PTP4A3: variants seen among roughly 807,000 people sequenced by gnomAD.
PTP4A3 encodes protein tyrosine phosphatase type IVA 3.
PTP4A3 carries 9 observed loss-of-function variants against 15.2 expected under a neutral mutation model. The observed-to-expected ratio is 0.59, with a 90% CI of 0.36 to 1.03. The LOEUF is 1.03. PTP4A3 is among the 50% of genes least tolerant of loss of function. The probability of loss-of-function intolerance (pLI) is 0.02; values close to 1 mark genes in which losing one functional copy is unlikely to be tolerated. For missense variants in PTP4A3, 234 were observed against 252.1 expected (o/e 0.93, Z 0.49); for synonymous variants, 95 against 102.0 (o/e 0.93, Z 0.41).
rs1188814769 is a variant in PTP4A3, at chr8:141,431,032, C to T, written c.510C>T (p.Cys170=). The T allele has an allele frequency of 1.9e-6, 3 of 1,613,180 alleles. No homozygotes were observed. In the Admixed American group the frequency reaches 5.0e-5, roughly 27 times the overall value. The part of the protein sequence containing the change: ...FKDPHTHKTR[C]CVM ...ACCCACACACGCACAAGACCCGGTG[C>T]TGCGTTATGTAGCTCAGGACCTTGG... Residue 170 remains cysteine, a synonymous_variant, in exon 6 of 6, where the codon TGC becomes TGT. Transcript: ENST00000521578.
Position 141,431,264 on chromosome 8 carries a change from A to G in PTP4A3, c.*220A>G, listed in dbSNP as rs573624742. 2.5e-5 allele frequency: 14 copies of G among 559,240 alleles called. No homozygotes were observed. In the African/African-American group the frequency reaches 2.7e-4, roughly 11 times the overall value. The allele number at this position is 559,240 out of a possible 1,614,324, so 34.6% of individuals were successfully genotyped here. ...CTGGGCCCTTTCTCCTGTCTCCGCC[A>G]CTCCCTCTGGCGGCGCTGGCCGTGG... On this transcript the variant is annotated 3_prime_UTR_variant, in exon 6 of 6. Coordinates refer to ENST00000521578, the MANE Select transcript of PTP4A3 (RefSeq NM_032611.3).
chr8:141,431,278 C>T lies in PTP4A3; in HGVS notation c.*234C>T, dbSNP rs112513034. The T allele has an allele frequency of 2.7e-5, 15 of 563,616 alleles. No individual in the cohort carries two copies. The highest frequency in any genetic ancestry group is 8.9e-5 in the East Asian group (3 of 33,564). 34.9% of individuals were successfully genotyped at this position (563,616 alleles called of 1,614,324 possible). ...CTGTCTCCGCCACTCCCTCTGGCGG[C>T]GCTGGCCGTGGCTCTGTCTCTCTGA... On this transcript the variant is annotated 3_prime_UTR_variant, in exon 6 of 6. Coordinates refer to ENST00000521578, the MANE Select transcript of PTP4A3 (RefSeq NM_032611.3).
chr8:141,396,323 G>A (rs1248035099), intron 1 of PTP4A3, among the ~76,000 whole-genome samples: 26 of 152,208 alleles, frequency 1.7e-4, no homozygotes, highest in Admixed American at 1.7e-3. Context: ...GAAGTGACGT[G>A]CCAGGGTCAC....
Position 141,424,360 on chromosome 8 carries a change from C to T in PTP4A3, c.106-688C>T, listed in dbSNP as rs549744173. Among the ~76,000 whole-genome samples the T allele has an allele frequency of 3.3e-5, 5 of 152,166 alleles. No individual in the cohort carries two copies. The South Asian group carries it at 1.0e-3, about 31-fold the overall frequency. ...GAACTACCACCACCTTTTCCCTGGT[C>T]GTGTGGGGCTTCCCTGCTGGCGTAC... On this transcript the variant is annotated intron_variant, in intron 2 of 5. Coordinates refer to ENST00000521578, the MANE Select transcript of PTP4A3 (RefSeq NM_032611.3).
chr8:141,413,449 T>G (rs142684290), intron 1 of PTP4A3, among the ~76,000 whole-genome samples: 1 of 152,334 alleles, frequency 6.6e-6, no homozygotes, highest in East Asian at 1.9e-4. Context: ...AGGGCAGGCT[T>G]CATGTGGGCT....
At chr8:141,405,229 C>T (rs1832693502) in intron 1 of PTP4A3, among the ~76,000 whole-genome samples, 1 of 152,208 alleles carries the variant, frequency 6.6e-6, no homozygotes, top group South Asian at 2.1e-4. Flanking sequence ...GTCCCTTGGG[C>T]CTTGCATGCC....
At chr8:141,423,803 T>C (rs1833441525) in intron 2 of PTP4A3, among the ~76,000 whole-genome samples, 1 of 151,876 alleles carries the variant, frequency 6.6e-6, no homozygotes, top group South Asian at 2.1e-4. Flanking sequence ...TAGGGAGGGC[T>C]CATCCTGTGA....
intron 1 of PTP4A3, among the ~76,000 whole-genome samples, chr8:141,410,798 C>G (rs1269574023): frequency 2.0e-5 from 3 of 152,182 alleles, no homozygotes; most frequent in Admixed American, 6.5e-5. Context: ...GTCACACAGC[C>G]CTGTGTGAGG....
At chr8:141,399,909 T>C (rs955882018) in intron 1 of PTP4A3, among the ~76,000 whole-genome samples, 4 of 152,228 alleles carry the variant, frequency 2.6e-5, no homozygotes, top group South Asian at 2.1e-4. Flanking sequence ...CATGTAGTTA[T>C]TGTTTTCTCT....
chr8:141,403,490 C>T (rs894086211), intron 1 of PTP4A3, among the ~76,000 whole-genome samples: 8 of 152,146 alleles, frequency 5.3e-5, no homozygotes, highest in African/African-American at 1.2e-4. Context: ...TTGGAAGCTG[C>T]GGCTTTAAGC....
In PTP4A3 at chr8:141,427,814, T is replaced by C. The variant is rs1379717375; in HGVS notation, c.394T>C (p.Phe132Leu). 1.3e-6 allele frequency: 2 copies of C among 1,550,432 alleles called. No individual in the cohort carries two copies. Among genetic ancestry groups the C allele is most frequent in the South Asian group, 1.2e-5 (1 of 84,114 alleles). ...GATGAAGTACGAGGACGCCATCCAG[T>C]TCATCCGCCAGTGAGTGGCCGCGGT... is the stretch of plus-strand genomic sequence containing the variant. ...SGMKYEDAIQ[F>L]IRQKRRGAIN... Residue 132 changes from phenylalanine to leucine, a missense_variant, in exon 5 of 6, where the codon TTC becomes CTC. Phe to Leu is a conservative substitution (Grantham distance 22, BLOSUM62 0). Transcript: ENST00000521578.
intron 1 of PTP4A3, among the ~76,000 whole-genome samples, chr8:141,412,870 G>T (rs183935934): frequency 2.2e-3 from 331 of 152,346 alleles, no homozygotes; most frequent in South Asian, 9.5e-3. Context: ...AGCATGCACG[G>T]GACGGTTTTG....
intron 1 of PTP4A3, among the ~76,000 whole-genome samples, chr8:141,417,664 C>A (rs1211419783): frequency 6.6e-6 from 1 of 152,050 alleles, no homozygotes; most frequent in East Asian, 1.9e-4. Context: ...GCCGGGCCGG[C>A]CGGCGGGAGG....
chr8:141,422,875 C>T (rs533781298), intron 2 of PTP4A3, among the ~76,000 whole-genome samples: 3 of 152,202 alleles, frequency 2.0e-5, no homozygotes, highest in East Asian at 1.9e-4. Context: ...AGATACCTGC[C>T]GCTGGCAACC....
chr8:141,422,385 T>C (rs1833375987), intron 2 of PTP4A3, 40 bp downstream of exon 2: 2 of 1,610,020 alleles, frequency 1.2e-6, no homozygotes, highest in African/African-American at 1.3e-5. Flanking sequence ...GTGGCCCAGG[T>C]GTCTGGGAAG....
chr8:141,407,520 G>T (rs1586543131), intron 1 of PTP4A3, among the ~76,000 whole-genome samples: 1 of 151,972 alleles, frequency 6.6e-6, no homozygotes, highest in Non-Finnish European at 1.5e-5. Flanking sequence ...CAGCAGCGCG[G>T]CCCAGGACGG....
At chr8:141,409,165 C>G (rs1476251936) in intron 1 of PTP4A3, among the ~76,000 whole-genome samples, 1 of 152,186 alleles carries the variant, frequency 6.6e-6, no homozygotes, top group African/African-American at 2.4e-5. Flanking sequence ...CTGCCTTTCC[C>G]GAGTCCTCCC....
At chr8:141,426,689 G>A in intron 3 of PTP4A3, 1 of 983,912 alleles carries the variant, frequency 1.0e-6, no homozygotes, top group African/African-American at 1.7e-5. Context: ...GGGTGGGGTG[G>A]TCCAGGAAGG....
intron 1 of PTP4A3, among the ~76,000 whole-genome samples, chr8:141,405,222 C>A (rs554916513): frequency 2.9e-4 from 44 of 152,334 alleles, no homozygotes; most frequent in South Asian, 2.3e-3. Context: ...GACCCAGGTC[C>A]CTTGGGCCTT....
Sources: allele counts gnomAD v4.1 joint callset (sites outside exome capture counted in the v4.1 genomes callset), GRCh38; gene constraint gnomAD v4.1.1; transcripts MANE v1.5; gene names NCBI Gene and HGNC (gene_info 2026-07-23, HGNC 2026-07-21).